Variants in STPG2 observed in about 807,000 individuals in gnomAD.
STPG2 encodes the protein sperm tail PG-rich repeat containing 2, also known as sperm-tail PG-rich repeat-containing protein 2.
In STPG2, 56 loss-of-function variants were observed where a neutral mutation model predicts 54.2. The observed-to-expected ratio is 1.03, with a 90% CI of 0.83 to 1.29. The LOEUF (loss-of-function observed/expected upper bound fraction) is 1.29. STPG2 is among the 50% of genes most tolerant of loss of function. The pLI is 0.00. For missense variants in STPG2, 596 were observed against 544.9 expected (o/e 1.09, Z -0.93); for synonymous variants, 200 against 181.8 (o/e 1.10, Z -0.81).
At chr4:97,457,502 T>C (rs1729558410) in intron 4 of STPG2, among the ~76,000 whole-genome samples, 2 of 152,218 alleles carry the variant, frequency 1.3e-5, no homozygotes, top group Admixed American at 6.5e-5. Context: ...AATATTTTCA[T>C]TGTCATGCTT....
chr4:98,035,215 G>A (rs4623006), intron 5 of STPG2, among the ~76,000 whole-genome samples: 1 of 151,804 alleles, frequency 6.6e-6, no homozygotes. Context: ...AAAGGGCTAA[G>A]ATCCAGAATC....
chr4:97,579,047 T>G (rs952574256), intron 10 of STPG2, among the ~76,000 whole-genome samples: 1 of 152,088 alleles, frequency 6.6e-6, no homozygotes, highest in Admixed American at 6.6e-5. Flanking sequence ...CAAGTTTAAG[T>G]GAGAAAAGAA....
At chr4:97,869,050 C>A (rs1729888617) in intron 8 of STPG2, among the ~76,000 whole-genome samples, 1 of 151,624 alleles carries the variant, frequency 6.6e-6, no homozygotes, top group South Asian at 2.1e-4. Flanking sequence ...TGGCTATGGT[C>A]AACAGATGTT....
chr4:97,778,759 C>A (rs980744209), intron 9 of STPG2, among the ~76,000 whole-genome samples: 1 of 152,184 alleles, frequency 6.6e-6, no homozygotes, highest in Non-Finnish European at 1.5e-5. Context: ...CGGGCAGCAA[C>A]ATTTGCTATT....
intron 4 of STPG2, chr4:97,489,710 C>T (rs1170418797): frequency 6.6e-6 from 1 of 151,590 alleles, no homozygotes; most frequent in Non-Finnish European, 1.5e-5. Context: ...GTTTACCACT[C>T]GGGGTTTTCT....
At chr4:97,979,807 C>T (rs546077841) in intron 6 of STPG2, among the ~76,000 whole-genome samples, 3 of 151,658 alleles carry the variant, frequency 2.0e-5, no homozygotes, top group Admixed American at 1.3e-4. Context: ...TCACTGCAAC[C>T]TCCGCCTCCC....
At position 98,068,660 on chromosome 4, in the gene STPG2, T is replaced by C. The variant is rs184057948; in HGVS notation, c.612+37293A>G. 8.1e-4 allele frequency among the ~76,000 whole-genome samples: 123 copies of C among 152,110 alleles called. 2 individuals are homozygous for C. The highest frequency in any genetic ancestry group is 2.1e-3 in the East Asian group (11 of 5,172). On this transcript the variant is annotated intron_variant, in intron 5 of 10. Coordinates refer to ENST00000295268, the MANE Select transcript of STPG2 (RefSeq NM_174952.3). ...GTGTTCCAGAAGTTGTGTGTAGGAG[T>C]GTAAGTACAATCATGAATCACTTAA... is the stretch of plus-strand genomic sequence containing the variant.
intron 10 of STPG2, among the ~76,000 whole-genome samples, chr4:97,678,722 C>A (rs1435624477): frequency 1.3e-5 from 2 of 150,946 alleles, no homozygotes; most frequent in Non-Finnish European, 2.9e-5. Flanking sequence ...TGTGCTGCAC[C>A]CATTAACTCG....
At chr4:97,919,683 G>A (rs1732024737) in intron 8 of STPG2, among the ~76,000 whole-genome samples, 1 of 151,974 alleles carries the variant, frequency 6.6e-6, no homozygotes, top group Admixed American at 6.6e-5. Flanking sequence ...CCTTCTCACG[G>A]AGAAAAATCT....
intron 10 of STPG2, among the ~76,000 whole-genome samples, chr4:97,644,393 T>C (rs952796129): frequency 1.3e-5 from 2 of 151,948 alleles, no homozygotes; most frequent in Admixed American, 6.6e-5. Flanking sequence ...TTTTGACAAA[T>C]GAATTACCTT....
At chr4:97,693,044 G>C (rs536393612) in intron 10 of STPG2, among the ~76,000 whole-genome samples, 1 of 151,830 alleles carries the variant, frequency 6.6e-6, no homozygotes, top group South Asian at 2.1e-4. Flanking sequence ...ACTGATACAA[G>C]TAGCTCTAAA....
intron 8 of STPG2, among the ~76,000 whole-genome samples, chr4:97,939,287 T>C (rs182077732): frequency 9.1e-4 from 136 of 149,544 alleles, no homozygotes; most frequent in Middle Eastern, 3.4e-3. Flanking sequence ...ATATATTCTC[T>C]TGTTTGGGGG....
chr4:97,800,794 G>T (rs888351849), intron 9 of STPG2, among the ~76,000 whole-genome samples: 59 of 152,156 alleles, frequency 3.9e-4, no homozygotes, highest in Non-Finnish European at 8.8e-5. Context: ...AGTCTACAGA[G>T]GCAGGCAGGC....
intron 8 of STPG2, among the ~76,000 whole-genome samples, chr4:97,905,273 C>A (rs1731360683): frequency 6.6e-6 from 1 of 152,170 alleles, no homozygotes; most frequent in Non-Finnish European, 1.5e-5. Context: ...AGAAACTCTA[C>A]AAGCCAGAAG....
intron 3 of STPG2, among the ~76,000 whole-genome samples, chr4:98,124,638 A>C (rs777768862): frequency 1.3e-5 from 2 of 152,004 alleles, no homozygotes; most frequent in Non-Finnish European, 2.9e-5. Context: ...ACCTTGGATA[A>C]TCTGATGATT....
intron 9 of STPG2, among the ~76,000 whole-genome samples, chr4:97,812,629 G>A (rs1429133173): frequency 3.3e-5 from 5 of 152,134 alleles, no homozygotes; most frequent in East Asian, 1.9e-4. Flanking sequence ...CAAAATATAC[G>A]TCTAGTCTAT....
intron 9 of STPG2, among the ~76,000 whole-genome samples, chr4:97,814,320 A>ATTTTG (rs1462628939): frequency 5.9e-4 from 89 of 151,928 alleles, no homozygotes; most frequent in African/African-American, 1.9e-3. Context: ...TCTAAGATAC[A>ATTTTG]TTTTGTTTTG....
chr4:97,850,215 G>A (rs1361975461), intron 8 of STPG2, among the ~76,000 whole-genome samples: 1 of 123,468 alleles, frequency 8.1e-6, no homozygotes, highest in African/African-American at 3.1e-5. Context: ...GGTGGGAATT[G>A]AACAATGAGA....
At chr4:97,732,657 T>C (rs572743548) in intron 9 of STPG2, among the ~76,000 whole-genome samples, 9 of 152,036 alleles carry the variant, frequency 5.9e-5, no homozygotes, top group South Asian at 2.1e-4. Context: ...TTGGAAACTA[T>C]GGATGGGAGA....
Sources: gnomAD v4.1 joint callset for allele counts (sites outside exome capture counted in the v4.1 genomes callset) on GRCh38, gnomAD v4.1.1 for gene constraint, MANE v1.5 for transcripts, NCBI Gene and HGNC (gene_info 2026-07-23, HGNC 2026-07-21) for gene names.